The following RTN4IP1 variants were observed in gnomAD, a reference collection of about 807,000 sequenced individuals.
RTN4IP1 encodes NAD(P)H oxidoreductase RTN4IP1, mitochondrial.
A neutral mutation model predicts 46.6 loss-of-function variants in RTN4IP1; 32 were observed. That is an observed-to-expected ratio of 0.69 (90% CI 0.52 to 0.92). The LOEUF (loss-of-function observed/expected upper bound fraction) is 0.92, where lower values mean the gene tolerates loss of function less well. Ranked by LOEUF, RTN4IP1 falls within the 40% of genes least tolerant of loss-of-function variation. The pLI, the probability that RTN4IP1 is intolerant of heterozygous loss-of-function variation, is 0.00. For synonymous variants in RTN4IP1, 167 were observed against 161.8 expected (o/e 1.03, Z -0.24); for missense variants, 424 against 485.8 (o/e 0.87, Z 1.20).
At chr6:106,573,113 T>C (rs956756200) in intron 8 of RTN4IP1, among the ~76,000 whole-genome samples, 2 of 152,242 alleles carry the variant, frequency 1.3e-5, no homozygotes, top group Non-Finnish European at 2.9e-5. Flanking sequence ...TCAATGCTGC[T>C]GGGTCTTTTC....
In RTN4IP1 at chr6:106,592,153, C is replaced by A. The variant is rs201489990; in HGVS notation, c.806+11G>T. 93 of 1,613,244 alleles carry A rather than the reference C, an allele frequency of 5.8e-5. No individual in the cohort carries two copies. Among genetic ancestry groups the A allele is most frequent in the Non-Finnish European group, 7.5e-5 (88 of 1,179,712 alleles). On this transcript the variant is annotated intron_variant, in intron 6 of 8. Transcript: ENST00000369063. Reference sequence around the variant, plus strand: ...TCCCACTCCCAGTGTGAACATTGTTCTAATACATACGGTTTTAAGGATTTC... The same window carrying A: ...TCCCACTCCCAGTGTGAACATTGTTATAATACATACGGTTTTAAGGATTTC...
upstream of RTN4IP1, among the ~76,000 whole-genome samples, chr6:106,630,099 A>G (rs1030455924): frequency 1.3e-5 from 2 of 152,172 alleles, no homozygotes; most frequent in African/African-American, 4.8e-5. Context: ...GTAGTTTGCA[A>G]AATTCAAATG....
At chr6:106,594,810 G>T (rs1445344890) in intron 5 of RTN4IP1, among the ~76,000 whole-genome samples, 1 of 151,822 alleles carries the variant, frequency 6.6e-6, no homozygotes, top group Non-Finnish European at 1.5e-5. Context: ...GGTTGTTTTG[G>T]TTTTTTATTT....
At chr6:106,583,307 C>G (rs1285427418) in intron 8 of RTN4IP1, 21 bp downstream of exon 8, 20 of 1,599,076 alleles carry the variant, frequency 1.3e-5, no homozygotes, top group Non-Finnish European at 1.4e-5. Flanking sequence ...GCTTCCAATC[C>G]AGGTTTCCAG....
At chr6:106,619,606 A>G (rs1433812959) in intron 3 of RTN4IP1, among the ~76,000 whole-genome samples, 3 of 110,474 alleles carry the variant, frequency 2.7e-5, no homozygotes, top group Non-Finnish European at 5.3e-5. Context: ...ACTTTTCTTC[A>G]TTTTTTTTTT....
At chr6:106,583,089 A>G (rs558727159) in intron 8 of RTN4IP1, among the ~76,000 whole-genome samples, 3 of 152,242 alleles carry the variant, frequency 2.0e-5, no homozygotes, top group African/African-American at 7.2e-5. Context: ...CATCTACTAA[A>G]CCAAGGCGGT....
At chr6:106,628,669 C>A in intron 1 of RTN4IP1, 79 bp downstream of exon 1, 1 of 1,269,330 alleles carries the variant, frequency 7.9e-7, no homozygotes, top group African/African-American at 1.5e-5. Flanking sequence ...ACCAAAGAAG[C>A]GTAGTCAATT....
intron 8 of RTN4IP1, among the ~76,000 whole-genome samples, chr6:106,579,468 T>G (rs1303255345): frequency 6.6e-6 from 1 of 152,154 alleles, no homozygotes; most frequent in Non-Finnish European, 1.5e-5. Flanking sequence ...TGCCTAAGAC[T>G]GGATCTCCAG....
intron 1 of RTN4IP1, among the ~76,000 whole-genome samples, chr6:106,624,327 T>C (rs987982825): frequency 3.9e-5 from 6 of 152,116 alleles, no homozygotes; most frequent in African/African-American, 1.4e-4. Flanking sequence ...GTGCTGGGAT[T>C]ACAGGTGTAA....
intron 6 of RTN4IP1, among the ~76,000 whole-genome samples, chr6:106,590,607 T>TG (rs1241604793): frequency 4.3e-5 from 6 of 139,048 alleles, no homozygotes; most frequent in Admixed American, 3.2e-4. Context: ...CCCAGCTACT[T>TG]GGGGGGCTGA....
intron 5 of RTN4IP1, among the ~76,000 whole-genome samples, chr6:106,600,431 C>A (rs921390918): frequency 2.0e-5 from 3 of 152,088 alleles, no homozygotes; most frequent in African/African-American, 7.3e-5. Context: ...ATATATATCA[C>A]CATTTTCACA....
At chr6:106,615,683 G>A (rs898899) in intron 4 of RTN4IP1, among the ~76,000 whole-genome samples, 95,572 of 151,782 alleles carry the variant, frequency 0.63, 31,783 homozygotes, top group South Asian at 0.75. Context: ...CAACTTTCCC[G>A]GCAAGACATG....
At chr6:106,589,336 G>GGAAGAA (rs903664286) in intron 6 of RTN4IP1, among the ~76,000 whole-genome samples, 33 of 147,188 alleles carry the variant, frequency 2.2e-4, no homozygotes, top group East Asian at 2.0e-4. Context: ...AAGAGGAAGA[G>GGAAGAA]GAAGAAGAAG....
At chr6:106,595,830 TATCACTGCCCCTCAC>T (rs1271854959) in intron 5 of RTN4IP1, among the ~76,000 whole-genome samples, 1 of 152,152 alleles carries the variant, frequency 6.6e-6, no homozygotes, top group Non-Finnish European at 1.5e-5. Context: ...CTGCCCCTCA[TATCACTGCCCCTCAC>T]ATATTATTTT....
intron 4 of RTN4IP1, among the ~76,000 whole-genome samples, chr6:106,608,281 T>C (rs539214197): frequency 4.6e-5 from 7 of 152,060 alleles, no homozygotes; most frequent in South Asian, 4.2e-4. Flanking sequence ...CTAGACAAGG[T>C]TGAAGTCACA....
chr6:106,584,586 C>T (rs1377961782), intron 7 of RTN4IP1, among the ~76,000 whole-genome samples: 1 of 152,162 alleles, frequency 6.6e-6, no homozygotes, highest in Non-Finnish European at 1.5e-5. Flanking sequence ...TTTTGTCAGG[C>T]TACCTCTTTC....
At chr6:106,603,977 CA>C (rs59443234) in intron 4 of RTN4IP1, among the ~76,000 whole-genome samples, 5 of 151,466 alleles carry the variant, frequency 3.3e-5, no homozygotes, top group Non-Finnish European at 5.9e-5. Context: ...TGACGGCCTA[CA>C]AAAAAAACAC....
At chr6:106,575,606 A>C (rs1417664492) in intron 8 of RTN4IP1, among the ~76,000 whole-genome samples, 1 of 152,214 alleles carries the variant, frequency 6.6e-6, no homozygotes, top group East Asian at 1.9e-4. Flanking sequence ...CTGGTGGAGA[A>C]GGACACTGTC....
At chr6:106,612,937 T>C (rs956916380) in intron 4 of RTN4IP1, among the ~76,000 whole-genome samples, 10 of 152,206 alleles carry the variant, frequency 6.6e-5, no homozygotes, top group African/African-American at 2.4e-4. Flanking sequence ...CATTGTTCCA[T>C]CTGTAAGGGC....
Sources: gnomAD v4.1 joint callset for allele counts (sites outside exome capture counted in the v4.1 genomes callset) on GRCh38, gnomAD v4.1.1 for gene constraint, MANE v1.5 for transcripts, NCBI Gene and HGNC (gene_info 2026-07-23, HGNC 2026-07-21) for gene names.